INPP4B: variants seen among roughly 807,000 people sequenced by gnomAD.
INPP4B encodes inositol polyphosphate 4-phosphatase type II.
Under a neutral mutation model 122.5 loss-of-function variants are expected in INPP4B, and 55 were observed. The ratio of observed to expected loss-of-function variants is 0.45; its 90% CI spans 0.36 to 0.56. The LOEUF is 0.56. INPP4B is among the 20% of genes least tolerant of loss of function. The probability of loss-of-function intolerance (pLI) is 0.00; values close to 1 mark genes in which losing one functional copy is unlikely to be tolerated. For synonymous variants in INPP4B, 403 were observed against 388.7 expected (o/e 1.04, Z -0.43); for missense variants, 1,000 against 1,097.7 (o/e 0.91, Z 1.26).
intron 23 of INPP4B, among the ~76,000 whole-genome samples, chr4:142,087,586 TA>T (rs1443634403): frequency 6.6e-6 from 1 of 152,160 alleles, no homozygotes; most frequent in African/African-American, 2.4e-5. Context: ...TAACTGAGGC[TA>T]AAAACAGGAG....
At chr4:142,825,059 G>C (rs1048163037) in intron 1 of INPP4B, among the ~76,000 whole-genome samples, 2 of 152,052 alleles carry the variant, frequency 1.3e-5, no homozygotes, top group African/African-American at 2.4e-5. Flanking sequence ...AGTTCTCACT[G>C]ATGAACTAAA....
chr4:142,184,402 A>G (rs1440260403), intron 15 of INPP4B, among the ~76,000 whole-genome samples: 2 of 152,226 alleles, frequency 1.3e-5, no homozygotes, highest in African/African-American at 2.4e-5. Context: ...CAAAGCCTAT[A>G]AGACATTTTC....
At position 142,173,797 on chromosome 4, in the gene INPP4B, C is replaced by T; in HGVS notation, c.1194G>A (p.Gln398=). 6.2e-7 allele frequency: 1 copy of T among 1,612,776 alleles called. No homozygotes were observed. The highest frequency in any genetic ancestry group is 8.5e-7 in the Non-Finnish European group (1 of 1,179,116). ...TGTTTTCAGGTGAATAGTAAATAAA[C>T]TGGTATCCGGTACTGCAACAACAAA... The part of the protein sequence containing the change: ...FETERRNTGY[Q]FIYYSPENTA... The change falls in exon 16 of 26, where the codon CAG becomes CAA. Residue 398 remains glutamine, a synonymous_variant. Coordinates refer to ENST00000262992, the MANE Select transcript of INPP4B (RefSeq NM_001101669.3).
chr4:142,654,389 A>AAAAAAAAAAC (rs1553983869), intron 2 of INPP4B: 1 of 148,522 alleles, frequency 6.7e-6, no homozygotes, highest in African/African-American at 2.5e-5. Context: ...AAAAAAAAAA[A>AAAAAAAAAAC]CATAAAATGA....
At chr4:142,376,249 T>C (rs1484567710) in intron 7 of INPP4B, among the ~76,000 whole-genome samples, 1 of 152,024 alleles carries the variant, frequency 6.6e-6, no homozygotes, top group Admixed American at 6.6e-5. Flanking sequence ...ATAGTTCTTC[T>C]TCCCACCTGA....
At chr4:142,349,248 C>A (rs1234426193) in intron 7 of INPP4B, among the ~76,000 whole-genome samples, 1 of 151,890 alleles carries the variant, frequency 6.6e-6, no homozygotes, top group African/African-American at 2.4e-5. Context: ...CTTTTTATTT[C>A]CCCCCAGAGA....
intron 2 of INPP4B, among the ~76,000 whole-genome samples, chr4:142,530,574 TATATAC>T (rs1464450132): frequency 2.9e-5 from 4 of 138,326 alleles, no homozygotes; most frequent in African/African-American, 5.5e-5. Flanking sequence ...TATATATATA[TATATAC>T]ACACACACAC....
At chr4:142,413,971 G>A (rs572487856) in intron 5 of INPP4B, among the ~76,000 whole-genome samples, 1 of 152,182 alleles carries the variant, frequency 6.6e-6, no homozygotes, top group East Asian at 1.9e-4. Flanking sequence ...ATACCATGGG[G>A]AGAAAACAGA....
At chr4:142,802,972 C>T (rs1304126346) in intron 1 of INPP4B, among the ~76,000 whole-genome samples, 1 of 151,668 alleles carries the variant, frequency 6.6e-6, no homozygotes, top group Non-Finnish European at 1.5e-5. Context: ...GAGTTCGAGA[C>T]CAGCCTGGCC....
chr4:142,457,636 T>G (rs1446972230), intron 3 of INPP4B, among the ~76,000 whole-genome samples: 2 of 152,214 alleles, frequency 1.3e-5, no homozygotes, highest in Non-Finnish European at 2.9e-5. Flanking sequence ...TTCTCAAGAC[T>G]GACAATACCA....
At chr4:142,565,439 G>C (rs1560808001) in intron 2 of INPP4B, among the ~76,000 whole-genome samples, 2 of 152,062 alleles carry the variant, frequency 1.3e-5, no homozygotes, top group Non-Finnish European at 2.9e-5. Context: ...ATAACGTAAG[G>C]GTTCATGTGT....
chr4:142,758,708 T>C (rs1227838692), intron 1 of INPP4B, among the ~76,000 whole-genome samples: 1 of 152,118 alleles, frequency 6.6e-6, no homozygotes, highest in East Asian at 1.9e-4. Flanking sequence ...AGCTCAGCGC[T>C]TTGGGAGGCC....
At chr4:142,395,072 T>C (rs1396561323) in intron 7 of INPP4B, among the ~76,000 whole-genome samples, 1 of 152,202 alleles carries the variant, frequency 6.6e-6, no homozygotes, top group African/African-American at 2.4e-5. Flanking sequence ...TCCTCTGTTG[T>C]GAGAGCCCAA....
intron 1 of INPP4B, among the ~76,000 whole-genome samples, chr4:142,835,147 C>T (rs1782627647): frequency 6.6e-6 from 1 of 152,140 alleles, no homozygotes; most frequent in African/African-American, 2.4e-5. Flanking sequence ...CACACAATTC[C>T]CACCACACAG....
intron 1 of INPP4B, among the ~76,000 whole-genome samples, chr4:142,791,613 G>A (rs946290359): frequency 2.6e-5 from 4 of 151,980 alleles, no homozygotes; most frequent in Non-Finnish European, 2.9e-5. Flanking sequence ...TGATGATTTA[G>A]CTTCAGTTCA....
intron 15 of INPP4B, among the ~76,000 whole-genome samples, chr4:142,182,331 G>A (rs1177534514): frequency 2.0e-5 from 3 of 151,966 alleles, no homozygotes; most frequent in Non-Finnish European, 4.4e-5. Flanking sequence ...GGCGGATCAC[G>A]AGGTCAGGAG....
chr4:142,273,093 T>TC (rs759127192), intron 9 of INPP4B, among the ~76,000 whole-genome samples: 23 of 152,026 alleles, frequency 1.5e-4, no homozygotes, highest in Non-Finnish European at 2.9e-4. Context: ...TTTGGGCAAG[T>TC]CATTTACCCA....
chr4:142,081,369 C>T (rs1773821776), intron 25 of INPP4B, among the ~76,000 whole-genome samples: 1 of 152,146 alleles, frequency 6.6e-6, no homozygotes, highest in Non-Finnish European at 1.5e-5. Flanking sequence ...CTTTTTCCTT[C>T]CCATTACGGC....
chr4:142,636,501 G>A (rs1022917596), intron 2 of INPP4B, among the ~76,000 whole-genome samples: 1 of 151,870 alleles, frequency 6.6e-6, no homozygotes, highest in African/African-American at 2.4e-5. Context: ...TCATAGATAG[G>A]GTAGCCAAAT....
Sources: gnomAD v4.1 joint callset for allele counts (sites outside exome capture counted in the v4.1 genomes callset) on GRCh38, gnomAD v4.1.1 for gene constraint, MANE v1.5 for transcripts, NCBI Gene and HGNC (gene_info 2026-07-23, HGNC 2026-07-21) for gene names.